The following GORASP2 variants were observed in gnomAD, a reference collection of about 807,000 sequenced individuals.
GORASP2 encodes golgi reassembly stacking protein 2.
In GORASP2, 22 loss-of-function variants were observed where a neutral mutation model predicts 45.7. That is an observed-to-expected ratio of 0.48 (90% CI 0.34 to 0.69). The LOEUF (loss-of-function observed/expected upper bound fraction) is 0.69. Among genes scored for constraint, GORASP2 ranks in the 30% least tolerant of loss-of-function variants. The pLI is 0.01. For synonymous variants in GORASP2, 221 were observed against 215.6 expected, an observed-to-expected ratio of 1.02 and a Z score of -0.22; for missense variants, 491 against 562.7, an observed-to-expected ratio of 0.87 and a Z score of 1.29.
rs958197109 is a variant in GORASP2 at position 170,966,256 on chromosome 2, G to T, written c.*126G>T. 1 of 725,012 alleles carries T rather than the reference G, an allele frequency of 1.4e-6. No individual in the cohort carries two copies. 44.9% of individuals were successfully genotyped at this position (725,012 alleles called of 1,614,324 possible). ...GTAGGCATCCTGTAAATAATTCCAA[G>T]GGGAAAACTAAACGAGGACGTGGGT... On this transcript the variant is annotated 3_prime_UTR_variant, in exon 10 of 10. Transcript: ENST00000234160.
chr2:170,938,495 T>C (rs1322470134), intron 1 of GORASP2, among the ~76,000 whole-genome samples: 3 of 152,248 alleles, frequency 2.0e-5, no homozygotes, highest in African/African-American at 7.2e-5. Flanking sequence ...TTTTTAATTT[T>C]AAACGGGGAG....
At chr2:170,930,988 A>C (rs5836311) in intron 1 of GORASP2, among the ~76,000 whole-genome samples, 48,556 of 146,800 alleles carry the variant, frequency 0.33, 8,328 homozygotes, top group African/African-American at 0.39. Flanking sequence ...AAAAAAAAAA[A>C]AAGTCGCGTG....
chr2:170,959,929 C>T (rs561788094), intron 7 of GORASP2, among the ~76,000 whole-genome samples: 1 of 146,452 alleles, frequency 6.8e-6, no homozygotes, highest in Non-Finnish European at 1.5e-5. Flanking sequence ...TCAAGTGATT[C>T]TCCTGCCTCA....
At chr2:170,940,553 TAAAAG>T (rs142850314) in intron 1 of GORASP2, among the ~76,000 whole-genome samples, 4,918 of 152,000 alleles carry the variant, frequency 0.032, 272 homozygotes, top group African/African-American at 0.11. Flanking sequence ...GTCTGTGTGT[TAAAAG>T]AAAAGAAAAG....
chr2:170,947,585 C>T (rs1704206270), intron 1 of GORASP2, among the ~76,000 whole-genome samples: 1 of 152,222 alleles, frequency 6.6e-6, no homozygotes, highest in Non-Finnish European at 1.5e-5. Flanking sequence ...GCCCCTTCCT[C>T]TTCTCACCTA....
intron 3 of GORASP2, 167 bp from the exon 4 acceptor site, chr2:170,950,037 T>C (rs1354719320): frequency 1.5e-5 from 8 of 535,526 alleles, no homozygotes; most frequent in Admixed American, 3.6e-5. Context: ...GTAATTTTTA[T>C]GCTCAGAAGT....
At chr2:170,945,344 T>A (rs1055205743) in intron 1 of GORASP2, among the ~76,000 whole-genome samples, 6 of 151,078 alleles carry the variant, frequency 4.0e-5, no homozygotes, top group Non-Finnish European at 8.8e-5. Context: ...CTAGAAAAAA[T>A]TTAAAAATCA....
Position 170,929,314 on chromosome 2 carries a change from G to A in GORASP2, c.-27G>A, listed in dbSNP as rs969673091. 8.9e-6 allele frequency: 12 copies of A among 1,347,200 alleles called. No individual in the cohort carries two copies. Among genetic ancestry groups the A allele is most frequent in the Middle Eastern group, 2.2e-4 (1 of 4,456 alleles). 83.5% of individuals were successfully genotyped at this position (1,347,200 alleles called of 1,614,324 possible). On this transcript the variant is annotated 5_prime_UTR_variant, in exon 1 of 10. Coordinates refer to ENST00000234160, the MANE Select transcript of GORASP2 (RefSeq NM_015530.5). ...GGGGGCGGGAGCAGCGCGGAGCCCG[G>A]CTCGGCCACACCGATCGCCCGCCGC... is the stretch of plus-strand genomic sequence containing the variant.
At position 170,929,402 on chromosome 2, in the gene GORASP2, G is replaced by C. The variant is rs761355929; in HGVS notation, c.62G>C (p.Arg21Pro). 2 of 1,407,160 alleles carry C rather than the reference G, an allele frequency of 1.4e-6. No individual in the cohort carries two copies. Among genetic ancestry groups the C allele is most frequent in the East Asian group, 2.9e-5 (1 of 34,652 alleles). 87.2% of individuals were successfully genotyped at this position (1,407,160 alleles called of 1,614,324 possible). The part of the protein sequence containing the change: ...GGGTEGYHVL[R>P]VQENSPGHRA... ...GGCACCGAGGGCTACCACGTTCTGC[G>C]GGTAAGGGCTCCGACGGCGGCCGGG... The change falls in exon 1 of 10, where the codon CGG (arginine) becomes CCG (proline). Residue 21 changes from arginine (R) to proline (P), a missense_variant and splice_region_variant. Around this residue, in one of 2 missense-constraint regions of GORASP2, gnomAD observed 194 missense variants for 270.4 expected, o/e 0.72. Coordinates refer to ENST00000234160, the MANE Select transcript of GORASP2 (RefSeq NM_015530.5).
chr2:170,941,639 A>T (rs1338124138), intron 1 of GORASP2, among the ~76,000 whole-genome samples: 1 of 152,164 alleles, frequency 6.6e-6, no homozygotes, highest in East Asian at 1.9e-4. Flanking sequence ...ACTCATTTGT[A>T]TCTGGCTTCT....
At chr2:170,952,904 C>T (rs989130249) in intron 5 of GORASP2, among the ~76,000 whole-genome samples, 2 of 152,144 alleles carry the variant, frequency 1.3e-5, no homozygotes, top group African/African-American at 4.8e-5. Context: ...TTGAACTCTT[C>T]GCTTCAAGCA....
chr2:170,930,759 A>G (rs1051081876), intron 1 of GORASP2, among the ~76,000 whole-genome samples: 7 of 152,144 alleles, frequency 4.6e-5, no homozygotes, highest in African/African-American at 1.7e-4. Flanking sequence ...GAGGAAATGG[A>G]AGGAGAATTG....
At chr2:170,955,979 TC>T (rs1704417335) in intron 6 of GORASP2, among the ~76,000 whole-genome samples, 1 of 152,214 alleles carries the variant, frequency 6.6e-6, no homozygotes, top group Non-Finnish European at 1.5e-5. Flanking sequence ...TTAAATGCAC[TC>T]ATGAGGTTGG....
At position 170,951,454 on chromosome 2, in the gene GORASP2, G is replaced by A; in HGVS notation, c.562G>A (p.Gly188Ser). Residue 188 changes from glycine (G) to serine (S), a missense_variant, in exon 5 of 10, where the codon GGC (glycine) becomes AGC (serine). Coordinates refer to ENST00000234160, the MANE Select transcript of GORASP2 (RefSeq NM_015530.5). ...ACCAAATTCTGCATGGGGTGGAGAA[G>A]GCAGGTAAGGTCATTTTTTAGACTA... is the stretch of plus-strand genomic sequence containing the variant. ...ITPNSAWGGE[G>S]SLGCGIGYGY... 1 of 1,606,010 alleles carries A rather than the reference G, an allele frequency of 6.2e-7. No homozygotes were observed. The highest frequency in any genetic ancestry group is 8.5e-7 in the Non-Finnish European group (1 of 1,177,088).
intron 1 of GORASP2, among the ~76,000 whole-genome samples, chr2:170,932,084 G>A (rs1342647550): frequency 6.6e-6 from 1 of 152,120 alleles, no homozygotes; most frequent in Non-Finnish European, 1.5e-5. Context: ...AAAATTAGCC[G>A]GGCATGGTAG....
intron 1 of GORASP2, among the ~76,000 whole-genome samples, chr2:170,942,756 G>A (rs1276796987): frequency 2.0e-5 from 3 of 152,140 alleles, no homozygotes; most frequent in Admixed American, 1.3e-4. Flanking sequence ...TGATAACTTT[G>A]TGTGTAACAT....
chr2:170,951,562 T>C, intron 5 of GORASP2, 104 bp downstream of exon 5: 2 of 936,922 alleles, frequency 2.1e-6, no homozygotes, highest in South Asian at 1.8e-5. Flanking sequence ...TGGTTTATTT[T>C]AAGACTCCTC....
chr2:170,946,035 A>C (rs1402050843), intron 1 of GORASP2, among the ~76,000 whole-genome samples: 3 of 152,080 alleles, frequency 2.0e-5, no homozygotes, highest in African/African-American at 7.2e-5. Flanking sequence ...GTTTTGAGAC[A>C]GGGTCTCGCC....
intron 9 of GORASP2, among the ~76,000 whole-genome samples, chr2:170,963,775 T>A (rs181335030): frequency 1.3e-5 from 2 of 152,196 alleles, no homozygotes; most frequent in African/African-American, 4.8e-5. Context: ...CCCAAGTAGC[T>A]GGGACTACAT....
Sources: allele counts gnomAD v4.1 joint callset (sites outside exome capture counted in the v4.1 genomes callset), GRCh38; gene constraint gnomAD v4.1.1; regional missense constraint gnomAD v4.1.1; transcripts MANE v1.5; gene names NCBI Gene and HGNC (gene_info 2026-07-23, HGNC 2026-07-21).